OTULINL: variants seen among roughly 807,000 people sequenced by gnomAD.
OTULINL encodes the protein OTU deubiquitinase with linear linkage specificity like.
Under a neutral mutation model 43.9 loss-of-function variants are expected in OTULINL, and 42 were observed. The observed-to-expected ratio is 0.96, with a 90% confidence interval of 0.75 to 1.24. The LOEUF (loss-of-function observed/expected upper bound fraction) is 1.24, where lower values mean the gene tolerates loss of function less well. OTULINL is among the 50% of genes most tolerant of loss of function. The probability of loss-of-function intolerance (pLI) is 0.00; values close to 1 mark genes in which losing one functional copy is unlikely to be tolerated. For synonymous variants in OTULINL, 172 were observed against 153.6 expected (o/e 1.12, Z -0.88); for missense variants, 411 against 426.4 (o/e 0.96, Z 0.32).
In OTULINL at chr5:14,609,621, A is replaced by ATTTTTT. The variant is rs201855537; in HGVS notation, c.898-498_898-493dup. On this transcript the variant is annotated intron_variant, in intron 7 of 7. Transcript: ENST00000274217. Reference sequence around the variant, plus strand: ...TTTTTTCAAGTAGCTTTTTCCTGTGATTTTTTTTTTTTTTTTTTTTTTTTT... The same window carrying ATTTTTT: ...TTTTTTCAAGTAGCTTTTTCCTGTGATTTTTTTTTTTTTTTTTTTTTTTTTTTTTTT... Among the ~76,000 whole-genome samples the ATTTTTT allele has an allele frequency of 3.9e-5, 4 of 102,206 alleles. 1 individual carries two copies. The highest frequency in any genetic ancestry group is 1.4e-4 in the African/African-American group (4 of 28,176). The allele number at this position is 102,206 out of a possible 152,430, so 67.1% of individuals were successfully genotyped here. A position where few individuals can be genotyped will look rare whatever the true frequency, so the allele number is the denominator to read the frequency against.
chr5:14,596,536 G>A (rs1472457848), intron 1 of OTULINL, among the ~76,000 whole-genome samples: 6 of 152,030 alleles, frequency 3.9e-5, no homozygotes, highest in African/African-American at 1.2e-4. Context: ...AGCCCAGGAA[G>A]GATAATTTTT....
chr5:14,601,824 A>G (rs1759393878), intron 4 of OTULINL, among the ~76,000 whole-genome samples: 1 of 152,246 alleles, frequency 6.6e-6, no homozygotes, highest in Non-Finnish European at 1.5e-5. Context: ...AATCTTGGTA[A>G]ATATCCCCAG....
chr5:14,606,861 C>T (rs1445566408), intron 5 of OTULINL, among the ~76,000 whole-genome samples: 2 of 152,128 alleles, frequency 1.3e-5, no homozygotes, highest in African/African-American at 4.8e-5. Flanking sequence ...GTAAAAATAA[C>T]CTGAGGCACA....
chr5:14,613,182 A>G lies in OTULINL; in HGVS notation c.*2868A>G, dbSNP rs931588535. ...GGCGATCCGCCTACCTCGGCATCCC[A>G]AAGTGCTGGGATTACGGGTGTGAGC... On this transcript the variant is annotated 3_prime_UTR_variant, in exon 8 of 8. Transcript: ENST00000274217. Among the ~76,000 whole-genome samples, 2 of 152,206 alleles carry G rather than the reference A, an allele frequency of 1.3e-5. No homozygotes were observed. Among genetic ancestry groups the G allele is most frequent in the African/African-American group, 2.4e-5 (1 of 41,466 alleles).
chr5:14,582,609 C>T (rs1233879990), intron 1 of OTULINL, among the ~76,000 whole-genome samples: 1 of 151,984 alleles, frequency 6.6e-6, no homozygotes, highest in Non-Finnish European at 1.5e-5. Context: ...GCCTAGCCAG[C>T]ATAGCGAAAC....
intron 6 of OTULINL, among the ~76,000 whole-genome samples, chr5:14,607,682 G>T (rs941165299): frequency 6.6e-6 from 1 of 152,144 alleles, no homozygotes; most frequent in African/African-American, 2.4e-5. Flanking sequence ...CTATAGGGTC[G>T]GGGGCTTCTA....
chr5:14,599,097 AATAT>A (rs970204563), intron 1 of OTULINL, among the ~76,000 whole-genome samples: 1 of 152,220 alleles, frequency 6.6e-6, no homozygotes, highest in African/African-American at 2.4e-5. Context: ...GGTAAGAATA[AATAT>A]ATAATGATTT....
Position 14,610,152 on chromosome 5 carries a change from T to C in OTULINL, c.909T>C (p.Phe303=). 6.2e-7 allele frequency: 1 copy of C among 1,613,924 alleles called. No homozygotes were observed. ...DTCGLEQIDM[F]ILGYSLEVKI... is the part of the protein sequence containing the mutation. ...CATCTCATCCACAGATTGATATGTT[T>C]ATACTTGGATACTCCCTTGAAGTAA... The change falls in exon 8 of 8, where the codon TTT becomes TTC. Residue 303 remains phenylalanine, a synonymous_variant. Transcript: ENST00000274217.
At position 14,603,982 on chromosome 5, in the gene OTULINL, G is replaced by C. The variant is rs746608875; in HGVS notation, c.498+1650G>C. 5.9e-5 allele frequency among the ~76,000 whole-genome samples: 9 copies of C among 152,068 alleles called. 1 individual carries two copies. Among genetic ancestry groups the C allele is most frequent in the Admixed American group, 2.6e-4 (4 of 15,246 alleles). On this transcript the variant is annotated intron_variant, in intron 5 of 7. Coordinates refer to ENST00000274217, the MANE Select transcript of OTULINL (RefSeq NM_019018.3). Reference sequence around the variant, plus strand: ...GTTCCATTTCATCTAGCAAATGCTTGTCAAATATATGCAATGTGCTAGCCC... The same window carrying C: ...GTTCCATTTCATCTAGCAAATGCTTCTCAAATATATGCAATGTGCTAGCCC...
intron 1 of OTULINL, among the ~76,000 whole-genome samples, chr5:14,600,214 C>G (rs770677958): frequency 2.6e-5 from 4 of 152,136 alleles, no homozygotes; most frequent in Non-Finnish European, 4.4e-5. Context: ...GGCTTTCCCC[C>G]CTTTTGCTTG....
chr5:14,610,248 C>G lies in OTULINL; in HGVS notation c.1005C>G (p.Leu335=), dbSNP rs1204423182. The change falls in exon 8 of 8, where the codon CTC becomes CTG. Residue 335 remains leucine (L), a synonymous_variant. Coordinates refer to ENST00000274217, the MANE Select transcript of OTULINL (RefSeq NM_019018.3). ...AAGTCTGCTACCCAGAGGAGCCTCT[C>G]AGGGACTGGCCGGAGATCTCCCTGC... is the stretch of plus-strand genomic sequence containing the variant. ...DFEVCYPEEP[L]RDWPEISLLT... 1.2e-6 allele frequency: 2 copies of G among 1,613,968 alleles called. No homozygotes were observed. Among genetic ancestry groups the G allele is most frequent in the Non-Finnish European group, 1.7e-6 (2 of 1,180,016 alleles).
Position 14,614,857 on chromosome 5 carries a change from A to G in OTULINL, c.*4543A>G, listed in dbSNP as rs139145389. On this transcript the variant is annotated 3_prime_UTR_variant, in exon 8 of 8. Transcript: ENST00000274217. ...TCAAATTTCTGTATGTAATTGACGT[A>G]TTGGTCCTTATAGTCAGTACCATCA... 2.0e-4 allele frequency: 78 copies of G among 397,730 alleles called. 1 individual carries two copies. In the South Asian group the frequency reaches 4.8e-3, roughly 24 times the overall value. The allele number at this position is 397,730 out of a possible 1,614,324, so 24.6% of individuals were successfully genotyped here.
intron 5 of OTULINL, among the ~76,000 whole-genome samples, chr5:14,606,595 A>G (rs1032190509): frequency 3.9e-5 from 6 of 152,226 alleles, no homozygotes; most frequent in African/African-American, 1.4e-4. Context: ...ATGGAGGATG[A>G]GGCTAAGAAG....
intron 5 of OTULINL, among the ~76,000 whole-genome samples, chr5:14,605,910 C>T (rs1269815320): frequency 2.6e-5 from 4 of 152,206 alleles, no homozygotes; most frequent in Non-Finnish European, 4.4e-5. Flanking sequence ...AACTTTTCCA[C>T]GTTTTCCTGT....
At chr5:14,594,129 G>A (rs894301709) in intron 1 of OTULINL, among the ~76,000 whole-genome samples, 12 of 152,164 alleles carry the variant, frequency 7.9e-5, no homozygotes, top group African/African-American at 2.9e-4. Context: ...TATCTCCCCC[G>A]TAACTGGTAG....
intron 1 of OTULINL, among the ~76,000 whole-genome samples, chr5:14,591,344 T>C (rs1304375316): frequency 6.6e-6 from 1 of 152,174 alleles, no homozygotes; most frequent in Non-Finnish European, 1.5e-5. Context: ...CTCAGTGACA[T>C]AAAATCCACG....
chr5:14,609,309 C>T (rs761554794), intron 7 of OTULINL, among the ~76,000 whole-genome samples: 1 of 152,182 alleles, frequency 6.6e-6, no homozygotes, highest in Non-Finnish European at 1.5e-5. Flanking sequence ...AGACGTTCAC[C>T]AGGAAAAAGT....
At chr5:14,605,486 A>G (rs1759459046) in intron 5 of OTULINL, among the ~76,000 whole-genome samples, 1 of 152,102 alleles carries the variant, frequency 6.6e-6, no homozygotes, top group African/African-American at 2.4e-5. Flanking sequence ...GGTGATTAAC[A>G]TTTGGCTTCT....
chr5:14,582,225 C>T (rs1394844857), intron 1 of OTULINL, among the ~76,000 whole-genome samples: 1 of 152,040 alleles, frequency 6.6e-6, no homozygotes, highest in African/African-American at 2.4e-5. Flanking sequence ...GGTCGCCTGC[C>T]CGGGCAGGAA....
Sources: allele counts gnomAD v4.1 joint callset (sites outside exome capture counted in the v4.1 genomes callset), GRCh38; gene constraint gnomAD v4.1.1; transcripts MANE v1.5; gene names NCBI Gene and HGNC (gene_info 2026-07-23, HGNC 2026-07-21).